Variants in MTMR7 observed in about 807,000 individuals in gnomAD.
MTMR7 encodes the protein phosphatidylinositol-3-phosphate phosphatase MTMR7.
In MTMR7, 76 loss-of-function variants were observed where a neutral mutation model predicts 81.2. The ratio of observed to expected loss-of-function variants is 0.94; its 90% CI spans 0.78 to 1.13. The LOEUF (loss-of-function observed/expected upper bound fraction) is 1.13. Among genes scored for constraint, MTMR7 ranks in the 50% most tolerant of loss-of-function variants. MTMR7 has a pLI of 0.00. For missense variants in MTMR7, 1,044 were observed against 820.0 expected, an observed-to-expected ratio of 1.27 and a Z score of -3.34; for synonymous variants, 372 against 289.8, an observed-to-expected ratio of 1.28 and a Z score of -2.88.
chr8:17,384,047 G>C (rs568583193), intron 1 of MTMR7, among the ~76,000 whole-genome samples: 1 of 152,116 alleles, frequency 6.6e-6, no homozygotes, highest in Non-Finnish European at 1.5e-5. Flanking sequence ...CTGGACAAAT[G>C]ATCCCATCTG....
intron 1 of MTMR7, among the ~76,000 whole-genome samples, chr8:17,393,900 C>G (rs1821174838): frequency 6.6e-6 from 1 of 152,134 alleles, no homozygotes. Context: ...AGAATCTTAA[C>G]AGATATTTCT....
chr8:17,351,223 G>A (rs1385230199), intron 4 of MTMR7, among the ~76,000 whole-genome samples: 1 of 152,200 alleles, frequency 6.6e-6, no homozygotes, highest in Non-Finnish European at 1.5e-5. Context: ...CTAAGGAACT[G>A]CAAAGTTTCA....
chr8:17,384,000 G>C (rs2410528), intron 1 of MTMR7, among the ~76,000 whole-genome samples: 67,599 of 151,962 alleles, frequency 0.44, 15,901 homozygotes, highest in Admixed American at 0.59. Context: ...TATAATGGTT[G>C]CTAAAAAAAG....
intron 4 of MTMR7, among the ~76,000 whole-genome samples, chr8:17,353,177 T>C (rs1365864896): frequency 6.6e-6 from 1 of 152,184 alleles, no homozygotes. Flanking sequence ...TTAAATGACA[T>C]AAGCCTGTCA....
intron 1 of MTMR7, among the ~76,000 whole-genome samples, chr8:17,407,676 C>G (rs963630408): frequency 6.6e-6 from 1 of 150,940 alleles, no homozygotes; most frequent in Non-Finnish European, 1.5e-5. Context: ...AAGCAAACTA[C>G]AAAATTGAAC....
chr8:17,395,128 A>G (rs759599837), intron 1 of MTMR7, among the ~76,000 whole-genome samples: 1 of 151,856 alleles, frequency 6.6e-6, no homozygotes, highest in Admixed American at 6.6e-5. Context: ...TTTCATTTCT[A>G]AGAATTCTAT....
intron 7 of MTMR7, among the ~76,000 whole-genome samples, chr8:17,318,287 C>T (rs1289114473): frequency 6.6e-6 from 1 of 152,112 alleles, no homozygotes; most frequent in Non-Finnish European, 1.5e-5. Context: ...CAGACGTACA[C>T]CAAATGCTGC....
At chr8:17,347,802 C>A (rs1819604542) in intron 5 of MTMR7, among the ~76,000 whole-genome samples, 1 of 151,580 alleles carries the variant, frequency 6.6e-6, no homozygotes, top group Non-Finnish European at 1.5e-5. Flanking sequence ...TGTACTTCCA[C>A]ACCTGCCCTG....
intron 1 of MTMR7, among the ~76,000 whole-genome samples, chr8:17,397,618 T>G (rs1821301829): frequency 6.6e-6 from 1 of 152,176 alleles, no homozygotes; most frequent in Admixed American, 6.5e-5. Context: ...AGACAACATC[T>G]CTGGACCTGC....
At chr8:17,407,267 T>TAA (rs149162505) in intron 1 of MTMR7, among the ~76,000 whole-genome samples, 1 of 150,800 alleles carries the variant, frequency 6.6e-6, no homozygotes, top group African/African-American at 2.4e-5. Context: ...ACCTCGCTGG[T>TAA]AAAAAAAAAT....
intron 4 of MTMR7, among the ~76,000 whole-genome samples, chr8:17,359,595 A>AAAAG (rs2150555822): frequency 6.6e-6 from 1 of 151,668 alleles, no homozygotes; most frequent in African/African-American, 2.4e-5. Context: ...AAAAAAAAAA[A>AAAAG]AAAACCTGAA....
intron 4 of MTMR7, among the ~76,000 whole-genome samples, chr8:17,350,521 T>C (rs1324151131): frequency 6.6e-6 from 1 of 151,974 alleles, no homozygotes; most frequent in Admixed American, 6.6e-5. Context: ...TCCAATTACC[T>C]CCCACCGGGT....
chr8:17,372,717 G>T (rs1479165568), intron 2 of MTMR7, among the ~76,000 whole-genome samples: 4 of 151,986 alleles, frequency 2.6e-5, no homozygotes, highest in Non-Finnish European at 5.9e-5. Context: ...AAAATTATCA[G>T]AAAAGTAGAG....
rs150506019 is a variant in MTMR7, at chr8:17,312,294, G to T, written c.976-658C>A. Among the ~76,000 whole-genome samples the T allele has an allele frequency of 3.9e-4, 59 of 152,240 alleles. 1 individual carries two copies. The East Asian group carries it at 9.9e-3, about 25-fold the overall frequency. ...ATTAGTTTATTAATACTCTGTCTCAGCTGGAGGCAGTGGCTCACGCATGTA... is the reference window on the plus strand; with the variant it reads ...ATTAGTTTATTAATACTCTGTCTCATCTGGAGGCAGTGGCTCACGCATGTA... On this transcript the variant is annotated intron_variant, in intron 8 of 13. Transcript: ENST00000180173.
At chr8:17,323,534 G>A (rs922221050) in intron 7 of MTMR7, among the ~76,000 whole-genome samples, 3 of 152,106 alleles carry the variant, frequency 2.0e-5, no homozygotes, top group African/African-American at 4.8e-5. Flanking sequence ...AAAGTCCGGC[G>A]TGGATGTAAA....
At chr8:17,337,362 CA>C (rs1554511150) in intron 6 of MTMR7, among the ~76,000 whole-genome samples, 10,235 of 89,632 alleles carry the variant, frequency 0.11, 1,061 homozygotes, top group East Asian at 0.35. Flanking sequence ...AACTCCGTCC[CA>C]AAAAAAAAAA....
At chr8:17,397,348 G>C (rs1388157219) in intron 1 of MTMR7, among the ~76,000 whole-genome samples, 5 of 151,976 alleles carry the variant, frequency 3.3e-5, no homozygotes, top group Non-Finnish European at 7.4e-5. Flanking sequence ...TCAATGCCCT[G>C]AAGGGTGGGC....
chr8:17,334,599 G>T (rs1300175372), intron 6 of MTMR7, among the ~76,000 whole-genome samples: 1 of 152,226 alleles, frequency 6.6e-6, no homozygotes, highest in African/African-American at 2.4e-5. Context: ...TGGGTGCAGA[G>T]AAGTTAATAA....
At chr8:17,321,593 G>A (rs1196634692) in intron 7 of MTMR7, among the ~76,000 whole-genome samples, 1 of 152,170 alleles carries the variant, frequency 6.6e-6, no homozygotes, top group East Asian at 1.9e-4. Context: ...ATTAGCGCCT[G>A]GATTTTTAAA....
Sources: gnomAD v4.1 joint callset for allele counts (sites outside exome capture counted in the v4.1 genomes callset) on GRCh38, gnomAD v4.1.1 for gene constraint, MANE v1.5 for transcripts, NCBI Gene and HGNC (gene_info 2026-07-23, HGNC 2026-07-21) for gene names.